LRRTM4: variants seen among roughly 807,000 people sequenced by gnomAD.
LRRTM4 encodes the protein leucine-rich repeat transmembrane neuronal protein 4.
A neutral mutation model predicts 47.6 loss-of-function variants in LRRTM4; 25 were observed. That is an observed-to-expected ratio of 0.53 (90% CI 0.38 to 0.73). The LOEUF is 0.73. Among genes scored for constraint, LRRTM4 ranks in the 30% least tolerant of loss-of-function variants. The pLI is 0.00. For synonymous variants in LRRTM4, 311 were observed against 269.5 expected (o/e 1.15, Z -1.51); for missense variants, 638 against 713.4 (o/e 0.89, Z 1.20).
intron 3 of LRRTM4, among the ~76,000 whole-genome samples, chr2:77,049,141 TATATATATATATATATAC>T (rs1679338788): frequency 7.6e-6 from 1 of 132,356 alleles, no homozygotes. Context: ...TATATATATA[TATATATATATATATATAC>T]ACACACACAC....
chr2:76,933,568 G>A (rs1315962743), intron 3 of LRRTM4, among the ~76,000 whole-genome samples: 2 of 151,984 alleles, frequency 1.3e-5, no homozygotes. Flanking sequence ...ATTAAAAATT[G>A]CATTTTATAA....
intron 3 of LRRTM4, among the ~76,000 whole-genome samples, chr2:77,450,207 G>A (rs1676203753): frequency 6.6e-6 from 1 of 151,744 alleles, no homozygotes; most frequent in Admixed American, 6.6e-5. Context: ...TTAGAGAGAT[G>A]TTATTCAACA....
In LRRTM4 at chr2:76,924,616, T is replaced by C. The variant is rs546009845; in HGVS notation, c.1552-175700A>G. ...CTTCTTTTAAAAATGCACATTAGTC[T>C]CAACACTACTGATATATTATGAAAC... On this transcript the variant is annotated intron_variant, in intron 3 of 3. Transcript: ENST00000409884. Among the ~76,000 whole-genome samples, 12 of 151,710 alleles carry C rather than the reference T, an allele frequency of 7.9e-5. No individual in the cohort carries two copies. The South Asian group carries it at 2.5e-3, about 31-fold the overall frequency.
rs1440180783 is a variant in LRRTM4, at chr2:77,097,593, A to T, written c.1552-348677T>A. Among the ~76,000 whole-genome samples, 3 of 152,004 alleles carry T rather than the reference A, an allele frequency of 2.0e-5. No homozygotes were observed. In the East Asian group the frequency reaches 5.8e-4, roughly 29 times the overall value. ...ACAGTTAAAAATATGTTTCTAAAGC[A>T]CTCATGAATTAAAAGAGAAGTCATA... On this transcript the variant is annotated intron_variant, in intron 3 of 3. Coordinates refer to ENST00000409884, the MANE Select transcript of LRRTM4 (RefSeq NM_001134745.3).
intron 3 of LRRTM4, among the ~76,000 whole-genome samples, chr2:77,065,276 T>C (rs1450384689): frequency 6.6e-6 from 1 of 152,174 alleles, no homozygotes; most frequent in Non-Finnish European, 1.5e-5. Context: ...ACTTTTCTCA[T>C]CTCTATATTA....
intron 3 of LRRTM4, among the ~76,000 whole-genome samples, chr2:77,048,216 T>C (rs115413091): frequency 0.011 from 1,663 of 152,172 alleles, 14 homozygotes; most frequent in Non-Finnish European, 0.017. Context: ...TACGTATGTA[T>C]GTATGAATGT....
chr2:76,860,617 G>A (rs1457887110), intron 3 of LRRTM4, among the ~76,000 whole-genome samples: 1 of 152,020 alleles, frequency 6.6e-6, no homozygotes, highest in Admixed American at 6.6e-5. Context: ...ACCCCTATAA[G>A]AATGGAACTT....
At chr2:77,279,645 T>G (rs1026674171) in intron 3 of LRRTM4, among the ~76,000 whole-genome samples, 5 of 151,972 alleles carry the variant, frequency 3.3e-5, no homozygotes, top group African/African-American at 1.2e-4. Context: ...AATGAAACCC[T>G]TCAGTCTATT....
chr2:77,217,397 TATTA>T (rs1429259023), intron 3 of LRRTM4, among the ~76,000 whole-genome samples: 22 of 54,680 alleles, frequency 4.0e-4, no homozygotes, highest in African/African-American at 5.5e-4. Flanking sequence ...TAATTAATTA[TATTA>T]ATTAATTAAT....
intron 3 of LRRTM4, among the ~76,000 whole-genome samples, chr2:77,201,326 A>C (rs1415032820): frequency 1.3e-5 from 2 of 152,136 alleles, no homozygotes; most frequent in Admixed American, 6.6e-5. Flanking sequence ...CAAGAAAAGC[A>C]AACTGTTATA....
intron 3 of LRRTM4, among the ~76,000 whole-genome samples, chr2:77,338,491 T>C (rs1338115696): frequency 6.6e-6 from 1 of 151,512 alleles, no homozygotes; most frequent in Admixed American, 6.6e-5. Flanking sequence ...ATGAAAAAAA[T>C]TCTCATCATC....
chr2:77,044,548 G>C (rs1268046601), intron 3 of LRRTM4, among the ~76,000 whole-genome samples: 1 of 151,538 alleles, frequency 6.6e-6, no homozygotes, highest in Non-Finnish European at 1.5e-5. Flanking sequence ...AAGGGTGTGT[G>C]TGTCTGTGAG....
intron 3 of LRRTM4, among the ~76,000 whole-genome samples, chr2:77,299,258 TACACAC>T (rs912276213): frequency 5.9e-5 from 4 of 67,290 alleles, no homozygotes; most frequent in East Asian, 4.0e-4. Flanking sequence ...TATATATATA[TACACAC>T]ACACACACAC....
At chr2:76,953,446 A>G (rs1194286558) in intron 3 of LRRTM4, among the ~76,000 whole-genome samples, 6 of 151,924 alleles carry the variant, frequency 3.9e-5, no homozygotes, top group Admixed American at 3.9e-4. Flanking sequence ...CTAACGCAGC[A>G]CTGCTCACAA....
chr2:77,328,673 A>C (rs1670866466), intron 3 of LRRTM4, among the ~76,000 whole-genome samples: 1 of 152,208 alleles, frequency 6.6e-6, no homozygotes, highest in African/African-American at 2.4e-5. Context: ...GGGAGAGTGC[A>C]GTGAGCTACG....
intron 3 of LRRTM4, among the ~76,000 whole-genome samples, chr2:76,939,023 T>G (rs186478084): frequency 5.9e-5 from 9 of 152,198 alleles, no homozygotes; most frequent in Admixed American, 5.2e-4. Flanking sequence ...ATGAATAAGT[T>G]AGGGGAATCT....
At chr2:77,197,484 T>G (rs974872925) in intron 3 of LRRTM4, among the ~76,000 whole-genome samples, 1 of 152,124 alleles carries the variant, frequency 6.6e-6, no homozygotes, top group African/African-American at 2.4e-5. Flanking sequence ...TTTTAGAGAT[T>G]ATTAGACAAA....
intron 3 of LRRTM4, among the ~76,000 whole-genome samples, chr2:77,007,037 G>A (rs1033516690): frequency 6.6e-6 from 1 of 151,696 alleles, no homozygotes; most frequent in Non-Finnish European, 1.5e-5. Flanking sequence ...TTTTGTTTTT[G>A]TTCTTTATTG....
At chr2:76,906,336 C>T (rs1405770214) in intron 3 of LRRTM4, among the ~76,000 whole-genome samples, 14 of 151,828 alleles carry the variant, frequency 9.2e-5, no homozygotes, top group Non-Finnish European at 1.8e-4. Context: ...TAAAAGAGCT[C>T]CTGAAGGAAG....
Sources: gnomAD v4.1 joint callset for allele counts (sites outside exome capture counted in the v4.1 genomes callset) on GRCh38, gnomAD v4.1.1 for gene constraint, MANE v1.5 for transcripts, NCBI Gene and HGNC (gene_info 2026-07-23, HGNC 2026-07-21) for gene names.